CC2D2B: variants seen among roughly 807,000 people sequenced by gnomAD.
The protein encoded by CC2D2B is coiled-coil and C2 domain containing 2B.
A neutral mutation model predicts 161.2 loss-of-function variants in CC2D2B; 128 were observed. The observed-to-expected ratio is 0.79, with a 90% CI of 0.69 to 0.92. The LOEUF (loss-of-function observed/expected upper bound fraction) is 0.92, where lower values mean the gene tolerates loss of function less well. Among genes scored for constraint, CC2D2B ranks in the 40% least tolerant of loss-of-function variants. CC2D2B has a pLI of 0.00. For missense variants in CC2D2B, 1,173 were observed against 1,375.1 expected, an observed-to-expected ratio of 0.85 and a Z score of 2.32; for synonymous variants, 391 against 449.8, an observed-to-expected ratio of 0.87 and a Z score of 1.65.
At chr10:96,017,410 A>C (rs1423906228) in intron 30 of CC2D2B, among the ~76,000 whole-genome samples, 2 of 152,216 alleles carry the variant, frequency 1.3e-5, no homozygotes, top group East Asian at 3.8e-4. Flanking sequence ...GGCAGTAAAC[A>C]GTCAACAATA....
At chr10:95,941,463 C>A (rs1204502461) in intron 9 of CC2D2B, among the ~76,000 whole-genome samples, 3 of 151,610 alleles carry the variant, frequency 2.0e-5, no homozygotes, top group Non-Finnish European at 4.4e-5. Context: ...GATTGAAATC[C>A]AAAATATATA....
intron 9 of CC2D2B, among the ~76,000 whole-genome samples, chr10:95,944,304 C>T (rs2076122422): frequency 6.6e-6 from 1 of 152,110 alleles, no homozygotes; most frequent in Non-Finnish European, 1.5e-5. Context: ...ACACAGTTGT[C>T]AAGATTTTAT....
chr10:96,025,168 T>A (rs865811697), intron 33 of CC2D2B, among the ~76,000 whole-genome samples: 134 of 12,500 alleles, frequency 0.011, 5 homozygotes, highest in Middle Eastern at 0.056. Flanking sequence ...TATATATATA[T>A]ATATATATAT....
chr10:95,992,289 C>T (rs577016491), intron 21 of CC2D2B, among the ~76,000 whole-genome samples: 1 of 152,206 alleles, frequency 6.6e-6, no homozygotes, highest in East Asian at 1.9e-4. Context: ...CTGTTTGGAC[C>T]ATGTACCCAA....
chr10:95,974,291 TTTAAATCACTCTACTAAGGCA>T, intron 17 of CC2D2B, 135 bp downstream of exon 17: 1 of 432,120 alleles, frequency 2.3e-6, no homozygotes. Context: ...TTATCTTTTA[TTTAAATCACTCTACTAAGGCA>T]GTATGTGTAT....
Position 96,027,223 on chromosome 10 carries a change from C to G in CC2D2B, c.3959C>G (p.Thr1320Ser). ...VEDLRNRIER[T>S]LKSKVMEWRP... ...GATTCTTACCTTAGGATCGAAAGGA[C>G]TCTGAAGAGTAAAGTGATGGAATGG... The change falls in exon 34 of 35, where the codon ACT becomes AGT. Residue 1320 changes from threonine to serine, a missense_variant. By Grantham distance (58) the Thr-to-Ser change is moderately conservative. Transcript: ENST00000646931. 6.5e-7 allele frequency: 1 copy of G among 1,538,932 alleles called. No homozygotes were observed. The highest frequency in any genetic ancestry group is 1.4e-5 in the African/African-American group (1 of 72,522).
chr10:96,005,451 A>G (rs117561824), intron 25 of CC2D2B, among the ~76,000 whole-genome samples: 4,187 of 152,278 alleles, frequency 0.027, 79 homozygotes, highest in Middle Eastern at 0.072. Flanking sequence ...TATGGGCCAA[A>G]ACATTCCATT....
chr10:96,029,241 CATATATATATATATATATATAT>C (rs56195141), intron 34 of CC2D2B, among the ~76,000 whole-genome samples: 9,497 of 67,218 alleles, frequency 0.14, 1,059 homozygotes, highest in African/African-American at 0.29. Context: ...TTTCATGTAC[CATATATATATATATATATATAT>C]ATATATATAT....
chr10:95,987,306 A>C (rs2077767957), intron 19 of CC2D2B, among the ~76,000 whole-genome samples: 2 of 152,008 alleles, frequency 1.3e-5, no homozygotes, highest in Non-Finnish European at 2.9e-5. Flanking sequence ...CCTGGGTGAC[A>C]GAGTGAGACT....
At chr10:95,915,461 T>C (rs1180398455) in intron 2 of CC2D2B, among the ~76,000 whole-genome samples, 2 of 152,218 alleles carry the variant, frequency 1.3e-5, no homozygotes, top group Non-Finnish European at 2.9e-5. Context: ...GTGGTGAAAG[T>C]AGGCATCCTT....
At chr10:95,911,882 C>T (rs1371088641) in intron 2 of CC2D2B, among the ~76,000 whole-genome samples, 1 of 152,082 alleles carries the variant, frequency 6.6e-6, no homozygotes, top group Admixed American at 6.6e-5. Flanking sequence ...GGTTGCTATC[C>T]CCTGGTCAAG....
At chr10:95,946,263 C>T (rs1434280074) in intron 9 of CC2D2B, among the ~76,000 whole-genome samples, 1 of 152,124 alleles carries the variant, frequency 6.6e-6, no homozygotes, top group Non-Finnish European at 1.5e-5. Flanking sequence ...GTCTAAATTG[C>T]CTCCTTTGGT....
intron 17 of CC2D2B, among the ~76,000 whole-genome samples, chr10:95,979,011 A>G (rs902392673): frequency 6.6e-6 from 1 of 152,216 alleles, no homozygotes; most frequent in African/African-American, 2.4e-5. Flanking sequence ...AGACTTTCAT[A>G]AAATGAATTT....
chr10:95,968,910 T>C lies in CC2D2B; in HGVS notation c.1644+9T>C. The C allele has an allele frequency of 1.6e-6, 2 of 1,219,826 alleles. No homozygotes were observed. Among genetic ancestry groups the C allele is most frequent in the African/African-American group, 3.1e-5 (2 of 64,264 alleles). 75.6% of individuals were successfully genotyped at this position (1,219,826 alleles called of 1,614,324 possible). A position where few individuals can be genotyped will look rare whatever the true frequency, so the allele number is the denominator to read the frequency against. ...AAGTGATTTGTTTGGAGGTATGCCA[T>C]TGTCATTTACTTTTGTATCTTATTT... On this transcript the variant is annotated intron_variant, in intron 15 of 34. Coordinates refer to ENST00000646931, the MANE Select transcript of CC2D2B (RefSeq NM_001349008.3).
At chr10:95,973,932 A>C in intron 16 of CC2D2B, 77 bp from the exon 17 acceptor site, 1 of 781,502 alleles carries the variant, frequency 1.3e-6, no homozygotes, top group East Asian at 3.4e-5. Flanking sequence ...CCACAAGTAA[A>C]ACTCAGGAAA....
At chr10:96,020,614 G>A (rs2079410317) in intron 32 of CC2D2B, 1 of 152,212 alleles carries the variant, frequency 6.6e-6, no homozygotes, top group African/African-American at 2.4e-5. Flanking sequence ...GAGGGAGGGA[G>A]GGAGAGAGAG....
intron 15 of CC2D2B, among the ~76,000 whole-genome samples, chr10:95,970,287 G>A (rs568641305): frequency 3.9e-5 from 6 of 152,236 alleles, no homozygotes; most frequent in Admixed American, 3.3e-4. Context: ...GCCTGCCTCA[G>A]CCTCCCAAAG....
intron 22 of CC2D2B, among the ~76,000 whole-genome samples, chr10:95,993,912 G>T (rs2078082426): frequency 4.8e-4 from 1 of 2,074 alleles, no homozygotes; most frequent in Non-Finnish European, 8.9e-4. Context: ...GTGTGTGTGT[G>T]TGTGTGTGTG....
intron 30 of CC2D2B, among the ~76,000 whole-genome samples, chr10:96,017,489 T>G (rs1203147942): frequency 6.6e-6 from 1 of 152,168 alleles, no homozygotes; most frequent in Non-Finnish European, 1.5e-5. Flanking sequence ...CAGTTTCACC[T>G]CAGCCATGGG....
Sources: allele counts gnomAD v4.1 joint callset (sites outside exome capture counted in the v4.1 genomes callset), GRCh38; gene constraint gnomAD v4.1.1; transcripts MANE v1.5; gene names NCBI Gene and HGNC (gene_info 2026-07-23, HGNC 2026-07-21).